Variants in TCF12 observed in about 807,000 individuals in gnomAD.
TCF12 encodes the protein transcription factor 12.
A neutral mutation model predicts 86.0 loss-of-function variants in TCF12; 45 were observed. That is an observed-to-expected ratio of 0.52 (90% CI 0.41 to 0.67). TCF12 has a LOEUF of 0.67. Ranked by LOEUF, TCF12 falls within the 30% of genes least tolerant of loss-of-function variation. TCF12 has a pLI of 0.00. For missense variants in TCF12, 881 were observed against 859.9 expected, an observed-to-expected ratio of 1.02 and a Z score of -0.31; for synonymous variants, 330 against 299.6, an observed-to-expected ratio of 1.10 and a Z score of -1.05.
At chr15:56,945,073 A>G (rs2060936571) in intron 3 of TCF12, among the ~76,000 whole-genome samples, 1 of 152,134 alleles carries the variant, frequency 6.6e-6, no homozygotes, top group Non-Finnish European at 1.5e-5. Context: ...ATTTATCCCT[A>G]AGAGTTTTTA....
intron 16 of TCF12, among the ~76,000 whole-genome samples, chr15:57,258,620 A>G (rs2060453992): frequency 6.6e-6 from 1 of 152,170 alleles, no homozygotes; most frequent in Admixed American, 6.5e-5. Context: ...AAAATTTAAT[A>G]CAGGTATTTC....
At position 57,107,197 on chromosome 15, in the gene TCF12, G is replaced by T. The variant is rs1253577307; in HGVS notation, c.325+15306G>T. 3.3e-5 allele frequency among the ~76,000 whole-genome samples: 5 copies of T among 152,034 alleles called. No individual in the cohort carries two copies. In the East Asian group the frequency reaches 9.6e-4, roughly 29 times the overall value. ...TTCAGTAGGTGAATGGATAAATCATGGTACATTCAGAGAGTGAAATATTAT... is the reference window on the plus strand; with the variant it reads ...TTCAGTAGGTGAATGGATAAATCATTGTACATTCAGAGAGTGAAATATTAT... On this transcript the variant is annotated intron_variant, in intron 5 of 20. Transcript: ENST00000333725.
intron 3 of TCF12, among the ~76,000 whole-genome samples, chr15:57,008,217 C>T (rs2064590633): frequency 6.6e-6 from 1 of 151,630 alleles, no homozygotes; most frequent in Non-Finnish European, 1.5e-5. Flanking sequence ...TCAAACATTC[C>T]TCCCTCCATT....
At chr15:57,247,390 CCA>C in intron 13 of TCF12, 1 of 662,654 alleles carries the variant, frequency 1.5e-6, no homozygotes, top group Non-Finnish European at 2.8e-6. Context: ...AATAAAATTG[CCA>C]GATCTACCTC....
chr15:57,066,582 C>T (rs1309257272), intron 4 of TCF12, among the ~76,000 whole-genome samples: 1 of 151,908 alleles, frequency 6.6e-6, no homozygotes, highest in East Asian at 1.9e-4. Context: ...TTTTATTATA[C>T]TTTTTATAAC....
intron 3 of TCF12, among the ~76,000 whole-genome samples, chr15:56,983,823 G>A (rs1389612306): frequency 3.3e-5 from 5 of 151,536 alleles, no homozygotes; most frequent in Admixed American, 1.3e-4. Context: ...AGCAAAATGA[G>A]ACTCCGTTTC....
At chr15:56,999,855 C>T (rs943612925) in intron 3 of TCF12, among the ~76,000 whole-genome samples, 6 of 151,974 alleles carry the variant, frequency 3.9e-5, no homozygotes, top group African/African-American at 1.5e-4. Context: ...GCCTGGGTGA[C>T]AGAGTGAGAC....
intron 3 of TCF12, among the ~76,000 whole-genome samples, chr15:56,942,946 G>C (rs1158816026): frequency 6.6e-6 from 1 of 152,158 alleles, no homozygotes; most frequent in Non-Finnish European, 1.5e-5. Context: ...TGTATCATGT[G>C]ACTGAAAATG....
chr15:57,059,736 G>A (rs1469373824), intron 3 of TCF12, among the ~76,000 whole-genome samples: 1 of 151,014 alleles, frequency 6.6e-6, no homozygotes, highest in African/African-American at 2.4e-5. Flanking sequence ...TATGTGGTGG[G>A]GGGCTGGGGG....
intron 3 of TCF12, among the ~76,000 whole-genome samples, chr15:56,975,649 GT>G (rs2062560374): frequency 6.6e-6 from 1 of 151,700 alleles, no homozygotes. Context: ...TTGTTTGTTT[GT>G]TTTTTGTTTG....
chr15:56,923,124 A>C (rs1368069860), intron 3 of TCF12, among the ~76,000 whole-genome samples: 1 of 152,042 alleles, frequency 6.6e-6, no homozygotes, highest in Admixed American at 6.5e-5. Context: ...TAAAAACTAC[A>C]TGCCATTTGA....
At chr15:56,933,308 G>A (rs1413607118) in intron 3 of TCF12, among the ~76,000 whole-genome samples, 1 of 152,146 alleles carries the variant, frequency 6.6e-6, no homozygotes, top group African/African-American at 2.4e-5. Flanking sequence ...TGCTAATATT[G>A]AAAGGGTTAA....
rs370758635 is a variant in TCF12, at chr15:57,251,132, GT to G, written c.1115-210del. ...AGGTAGCTGTATTTAAAATTACAGG[GT>G]TTTTTTTCTGTTTTCTCAGCACCCC... On this transcript the variant is annotated intron_variant, in intron 13 of 20. Coordinates refer to ENST00000333725, the MANE Select transcript of TCF12 (RefSeq NM_207037.2). 5.4e-3 allele frequency: 2,384 copies of G among 437,742 alleles called. 52 individuals carry two copies. The highest frequency in any genetic ancestry group is 0.044 in the African/African-American group (2,151 of 49,276). 27.1% of individuals were successfully genotyped at this position (437,742 alleles called of 1,614,324 possible).
Position 57,253,244 on chromosome 15 carries a change from T to G in TCF12, c.1261-18T>G. The G allele has an allele frequency of 1.2e-6, 2 of 1,613,188 alleles. No homozygotes were observed. Among genetic ancestry groups the G allele is most frequent in the Non-Finnish European group, 1.7e-6 (2 of 1,179,264 alleles). ...GATGCCAGCAATAACCACCATGTTT[T>G]TTTTTTAATCCATACAGCAGTCTCG... is the stretch of plus-strand genomic sequence containing the variant. On this transcript the variant is annotated intron_variant, in intron 15 of 20. Coordinates refer to ENST00000333725, the MANE Select transcript of TCF12 (RefSeq NM_207037.2).
At chr15:56,949,595 CTT>C (rs1281070056) in intron 3 of TCF12, among the ~76,000 whole-genome samples, 1 of 152,138 alleles carries the variant, frequency 6.6e-6, no homozygotes, top group African/African-American at 2.4e-5. Context: ...TTTTGAAAAA[CTT>C]GTTTAAAAGA....
chr15:57,029,024 C>T (rs1314428073), intron 3 of TCF12, among the ~76,000 whole-genome samples: 1 of 152,106 alleles, frequency 6.6e-6, no homozygotes, highest in East Asian at 1.9e-4. Flanking sequence ...GTCTTGAACT[C>T]CTGGCCTCAA....
At chr15:57,075,108 G>A (rs565461123) in intron 4 of TCF12, among the ~76,000 whole-genome samples, 1 of 152,302 alleles carries the variant, frequency 6.6e-6, no homozygotes, top group South Asian at 2.1e-4. Flanking sequence ...ACGGAGCAGA[G>A]CATATTCTGG....
chr15:57,217,474 A>T (rs2058378837), intron 8 of TCF12, among the ~76,000 whole-genome samples: 1 of 152,148 alleles, frequency 6.6e-6, no homozygotes, highest in South Asian at 2.1e-4. Flanking sequence ...TGTTTGTTTT[A>T]TCAAACAACA....
At chr15:56,994,535 G>A (rs1256451475) in intron 3 of TCF12, among the ~76,000 whole-genome samples, 3 of 151,888 alleles carry the variant, frequency 2.0e-5, no homozygotes, top group African/African-American at 7.3e-5. Flanking sequence ...TAATTAATCT[G>A]AAAACTAAAA....
Sources: allele counts gnomAD v4.1 joint callset (sites outside exome capture counted in the v4.1 genomes callset), GRCh38; gene constraint gnomAD v4.1.1; transcripts MANE v1.5; gene names NCBI Gene and HGNC (gene_info 2026-07-23, HGNC 2026-07-21).